MARCHF7: variants seen among roughly 807,000 people sequenced by gnomAD.
MARCHF7 encodes the protein membrane associated ring-CH-type finger 7, also known as E3 ubiquitin-protein ligase MARCHF7.
MARCHF7 carries 20 observed loss-of-function variants against 76.5 expected under a neutral mutation model. The observed-to-expected ratio is 0.26, with a 90% CI of 0.18 to 0.38. The LOEUF (loss-of-function observed/expected upper bound fraction) is 0.38, where lower values mean the gene tolerates loss of function less well. MARCHF7 is among the 10% of genes least tolerant of loss of function. The probability of loss-of-function intolerance (pLI) is 1.00; values close to 1 mark genes in which losing one functional copy is unlikely to be tolerated. For synonymous variants in MARCHF7, 295 were observed against 293.0 expected (o/e 1.01, Z -0.07); for missense variants, 797 against 812.9 (o/e 0.98, Z 0.24).
intron 4 of MARCHF7, among the ~76,000 whole-genome samples, chr2:159,739,208 A>C (rs559740733): frequency 3.3e-5 from 5 of 152,278 alleles, no homozygotes; most frequent in African/African-American, 1.2e-4. Flanking sequence ...CACCCCACCA[A>C]CTTGGAAGTG....
At chr2:159,752,375 C>CT in intron 7 of MARCHF7, 27 bp from the exon 8 acceptor site, 1 of 1,533,350 alleles carries the variant, frequency 6.5e-7, no homozygotes, top group Non-Finnish European at 8.8e-7. Context: ...GTTATGATAG[C>CT]TTTGGGAAAT....
chr2:159,717,648 A>G (rs1447464738), intron 3 of MARCHF7, among the ~76,000 whole-genome samples: 1 of 152,190 alleles, frequency 6.6e-6, no homozygotes, highest in Non-Finnish European at 1.5e-5. Context: ...CAAATTAGAA[A>G]GGGAATTATT....
intron 3 of MARCHF7, among the ~76,000 whole-genome samples, chr2:159,720,115 T>C (rs1701473541): frequency 6.6e-6 from 1 of 152,036 alleles, no homozygotes; most frequent in Non-Finnish European, 1.5e-5. Context: ...AACCTCCGCC[T>C]CCTGGATTCA....
intron 3 of MARCHF7, among the ~76,000 whole-genome samples, chr2:159,726,006 A>G (rs924094146): frequency 6.6e-6 from 1 of 152,222 alleles, no homozygotes; most frequent in African/African-American, 2.4e-5. Flanking sequence ...GTGGGTCTCA[A>G]TACTGAGTAT....
At chr2:159,749,059 G>T (rs551491049) in intron 7 of MARCHF7, among the ~76,000 whole-genome samples, 156 bp downstream of exon 7, 1 of 138,110 alleles carries the variant, frequency 7.2e-6, no homozygotes, top group Non-Finnish European at 1.5e-5. Context: ...GCTCACTGCA[G>T]CCTCGGCCTT....
chr2:159,748,833 G>A lies in MARCHF7; in HGVS notation c.1543G>A (p.Asp515Asn). ...DIIPSGWNSADGKSDKTKSAP... is the reference protein window; with the variant it reads ...DIIPSGWNSANGKSDKTKSAP... ...TATTCCTTCAGGTTGGAATTCAGCTGATGGTAAAAGTGATAAAACTAAAAG... is the reference window on the plus strand; with the variant it reads ...TATTCCTTCAGGTTGGAATTCAGCTAATGGTAAAAGTGATAAAACTAAAAG... The change falls in exon 7 of 12, where the codon GAT (aspartate) becomes AAT (asparagine). Residue 515 changes from aspartate to asparagine, a missense_variant. Asp to Asn is a conservative substitution (Grantham distance 23). Coordinates refer to ENST00000409175, the MANE Select transcript of MARCHF7 (RefSeq NM_001282805.2). 2 of 1,613,930 alleles carry A rather than the reference G, an allele frequency of 1.2e-6. No individual in the cohort carries two copies. The highest frequency in any genetic ancestry group is 1.7e-6 in the Non-Finnish European group (2 of 1,179,968).
intron 8 of MARCHF7, among the ~76,000 whole-genome samples, chr2:159,753,559 A>AG (rs1161803537): frequency 2.0e-5 from 3 of 152,184 alleles, no homozygotes; most frequent in Admixed American, 2.0e-4. Flanking sequence ...TCAAAAAAAA[A>AG]AAAAGTTGAG....
rs1161231399 is a variant in MARCHF7, at chr2:159,770,860, G to A, written c.*3518G>A. 1 of 151,988 alleles carries A rather than the reference G, an allele frequency of 6.6e-6. No homozygotes were observed. The highest frequency in any genetic ancestry group is 2.1e-4 in the South Asian group (1 of 4,824). The allele number at this position is 151,988 out of a possible 1,614,324, so 9.4% of individuals were successfully genotyped here. A position where few individuals can be genotyped will look rare whatever the true frequency, so the allele number is the denominator to read the frequency against. On this transcript the variant is annotated 3_prime_UTR_variant, in exon 12 of 12. Coordinates refer to ENST00000409175, the MANE Select transcript of MARCHF7 (RefSeq NM_001282805.2). Reference sequence around the variant, plus strand: ...ACGTATCCCCATTGATAAGTGATACGTGACTAATTTACGTGAAATTTATAC... The same window carrying A: ...ACGTATCCCCATTGATAAGTGATACATGACTAATTTACGTGAAATTTATAC...
chr2:159,767,278 C>T lies in MARCHF7; in HGVS notation c.2057-6C>T. On this transcript the variant is annotated splice_region_variant and splice_polypyrimidine_tract_variant and intron_variant, in intron 11 of 11. Coordinates refer to ENST00000409175, the MANE Select transcript of MARCHF7 (RefSeq NM_001282805.2). ...CATTCTTGATCATCCTGTTTTCTTT[C>T]AACAGCTTCAGAGGATGATTCCGAA... The T allele has an allele frequency of 2.5e-6, 4 of 1,606,214 alleles. No individual in the cohort carries two copies. Among genetic ancestry groups the T allele is most frequent in the Non-Finnish European group, 3.4e-6 (4 of 1,174,378 alleles).
At chr2:159,738,625 G>A (rs1213991215) in intron 4 of MARCHF7, among the ~76,000 whole-genome samples, 1 of 152,154 alleles carries the variant, frequency 6.6e-6, no homozygotes, top group African/African-American at 2.4e-5. Context: ...GGAGTGGGTA[G>A]CTCCTGTCCA....
At position 159,716,715 on chromosome 2, in the gene MARCHF7, A is replaced by G. The variant is rs76955952; in HGVS notation, c.-15+949A>G. The stretch of plus-strand genomic sequence containing the variant: ...GGCCTTTGTGCCATGAGTTTATCCT[A>G]TAGTAGTGGTGTACTTTTAGTAATT... On this transcript the variant is annotated intron_variant, in intron 3 of 11. Coordinates refer to ENST00000409175, the MANE Select transcript of MARCHF7 (RefSeq NM_001282805.2). Among the ~76,000 whole-genome samples the G allele has an allele frequency of 5.6e-3, 859 of 152,238 alleles. 7 individuals carry two copies. The highest frequency in any genetic ancestry group is 0.02 in the African/African-American group (811 of 41,526).
In MARCHF7 at chr2:159,749,027, G is replaced by GGAGTGTAAT. The variant is rs982494857; in HGVS notation, c.1613+126_1613+134dup. On this transcript the variant is annotated intron_variant, in intron 7 of 11. Transcript: ENST00000409175. ...GGAGTCTCAGTCTGTCACCCAGGCT[G>GGAGTGTAAT]GAGTGTAATGGCACCATCTCGGCTC... 4 of 1,085,628 alleles carry GGAGTGTAAT rather than the reference G, an allele frequency of 3.7e-6. No individual in the cohort carries two copies. In the African/African-American group the frequency reaches 7.1e-5, roughly 19 times the overall value. 67.2% of individuals were successfully genotyped at this position (1,085,628 alleles called of 1,614,324 possible). A position where few individuals can be genotyped will look rare whatever the true frequency, so the allele number is the denominator to read the frequency against.
intron 8 of MARCHF7, among the ~76,000 whole-genome samples, chr2:159,753,342 C>T (rs1032954623): frequency 5.3e-5 from 8 of 151,864 alleles, no homozygotes; most frequent in South Asian, 2.1e-4. Flanking sequence ...GAGGCCGAGA[C>T]GGGCGGATCA....
At chr2:159,746,264 C>A (rs1195787828) in intron 6 of MARCHF7, among the ~76,000 whole-genome samples, 2 of 152,200 alleles carry the variant, frequency 1.3e-5, no homozygotes, top group African/African-American at 4.8e-5. Flanking sequence ...TAATAAATAA[C>A]TACTTCTGAT....
chr2:159,729,145 C>T lies in MARCHF7; in HGVS notation c.123C>T (p.Asp41=). Residue 41 remains aspartate (D), a synonymous_variant, in exon 4 of 12, where the codon GAC becomes GAT. Coordinates refer to ENST00000409175, the MANE Select transcript of MARCHF7 (RefSeq NM_001282805.2). ...SSLNDTYHSR[D]SSFRLDSEYQ... is the part of the protein sequence containing the mutation. Reference sequence around the variant, plus strand: ...TAAATGATACCTATCACTCAAGAGACTCTTCATTTAGATTGGATTCTGAAT... The same window carrying T: ...TAAATGATACCTATCACTCAAGAGATTCTTCATTTAGATTGGATTCTGAAT... 1 of 1,605,974 alleles carries T rather than the reference C, an allele frequency of 6.2e-7. No individual in the cohort carries two copies. The highest frequency in any genetic ancestry group is 1.1e-5 in the South Asian group (1 of 89,784).
Position 159,752,498 on chromosome 2 carries a change from C to T in MARCHF7, c.1710C>T (p.Cys570=). ...ASSSNLLIEP[C]KCTGSLQYVH... is the part of the protein sequence containing the mutation. ...CATCTAATTTGCTGATAGAGCCATG[C>T]AAGTGCACAGGAAGTTTGCAGTATG... is the stretch of plus-strand genomic sequence containing the variant. The change falls in exon 8 of 12, where the codon TGC becomes TGT. Residue 570 remains cysteine (C), a synonymous_variant. Coordinates refer to ENST00000409175, the MANE Select transcript of MARCHF7 (RefSeq NM_001282805.2). 1.2e-6 allele frequency: 2 copies of T among 1,603,982 alleles called. No individual in the cohort carries two copies. The highest frequency in any genetic ancestry group is 4.5e-5 in the East Asian group (2 of 44,108).
rs1482725975 is a variant in MARCHF7, at chr2:159,748,324, C to T, written c.1034C>T (p.Ser345Phe). Reference sequence around the variant, plus strand: ...CCCGATAATAGGGCATCTGAAGCTTCTCAGGGATTTCGATTTCTTAGGCGA... The same window carrying T: ...CCCGATAATAGGGCATCTGAAGCTTTTCAGGGATTTCGATTTCTTAGGCGA... ...EVPDNRASEA[S>F]QGFRFLRRRW... Residue 345 changes from serine (S) to phenylalanine (F), a missense_variant, in exon 7 of 12, where the codon TCT (serine) becomes TTT (phenylalanine). Around this residue, in one of 3 missense-constraint regions of MARCHF7, gnomAD observed 643 missense variants for 631.5 expected, o/e 1.02. Transcript: ENST00000409175. 1 of 1,613,644 alleles carries T rather than the reference C, an allele frequency of 6.2e-7. No individual in the cohort carries two copies. The highest frequency in any genetic ancestry group is 8.5e-7 in the Non-Finnish European group (1 of 1,179,972).
intron 6 of MARCHF7, among the ~76,000 whole-genome samples, chr2:159,746,437 T>C (rs1238239430): frequency 6.6e-6 from 1 of 152,248 alleles, no homozygotes; most frequent in East Asian, 1.9e-4. Context: ...GTTTTGCTCT[T>C]GTTACCCAGG....
rs144341604 is a variant in MARCHF7 at position 159,738,811 on chromosome 2, C to T, written c.154-4250C>T. 5.5e-3 allele frequency among the ~76,000 whole-genome samples: 841 copies of T among 152,320 alleles called. 3 individuals are homozygous for T. Among genetic ancestry groups the T allele is most frequent in the African/African-American group, 0.019 (794 of 41,570 alleles). The stretch of plus-strand genomic sequence containing the variant: ...CCTCCAGGCTTCAGGCCATCCCAGG[C>T]TTAAAGGTAGGGTTTCACTAGGGAC... On this transcript the variant is annotated intron_variant, in intron 4 of 11. Coordinates refer to ENST00000409175, the MANE Select transcript of MARCHF7 (RefSeq NM_001282805.2).
Sources: gnomAD v4.1 joint callset for allele counts (sites outside exome capture counted in the v4.1 genomes callset) on GRCh38, gnomAD v4.1.1 for gene constraint, gnomAD v4.1.1 regional missense constraint, MANE v1.5 for transcripts, NCBI Gene and HGNC (gene_info 2026-07-23, HGNC 2026-07-21) for gene names.